The following NBEA variants were observed in gnomAD, a reference collection of about 807,000 sequenced individuals.
NBEA encodes the protein neurobeachin, also known as lysosomal-trafficking regulator 2.
A neutral mutation model predicts 343.4 loss-of-function variants in NBEA; 44 were observed. The observed-to-expected ratio is 0.13, with a 90% CI of 0.10 to 0.16. The LOEUF (loss-of-function observed/expected upper bound fraction) is 0.16, where lower values mean the gene tolerates loss of function less well. Ranked by LOEUF, NBEA falls within the 10% of genes least tolerant of loss-of-function variation. NBEA has a pLI of 1.00. For missense variants in NBEA, 2,555 were observed against 3,631.3 expected, an observed-to-expected ratio of 0.70 and a Z score of 7.62; for synonymous variants, 1,175 against 1,238.7, an observed-to-expected ratio of 0.95 and a Z score of 1.08.
In NBEA at chr13:35,385,085, A is replaced by G. The variant is rs545893147; in HGVS notation, c.6179+32762A>G. 1.0e-3 allele frequency among the ~76,000 whole-genome samples: 157 copies of G among 152,246 alleles called. 1 individual carries two copies. Among genetic ancestry groups the G allele is most frequent in the Admixed American group, 3.4e-3 (52 of 15,306 alleles). Reference sequence around the variant, plus strand: ...ATTACATTTTTTCCTTCTACTGGTGATAGTTTTATTCTTCAAGTAAATCTT... The same window carrying G: ...ATTACATTTTTTCCTTCTACTGGTGGTAGTTTTATTCTTCAAGTAAATCTT... On this transcript the variant is annotated intron_variant, in intron 38 of 58. Transcript: ENST00000379939.
Position 35,452,248 on chromosome 13 carries a change from A to G in NBEA, c.6448+13A>G, listed in dbSNP as rs2046344665. 1 of 1,541,440 alleles carries G rather than the reference A, an allele frequency of 6.5e-7. No individual in the cohort carries two copies. Reference sequence around the variant, plus strand: ...GACAACCTTGCAGGTAAATTTTAAAATATATTTTTCCTATTTGTTGTAAAT... The same window carrying G: ...GACAACCTTGCAGGTAAATTTTAAAGTATATTTTTCCTATTTGTTGTAAAT... On this transcript the variant is annotated intron_variant, in intron 40 of 58. Coordinates refer to ENST00000379939, the MANE Select transcript of NBEA (RefSeq NM_001385012.1).
At chr13:35,462,425 A>G (rs2046959147) in intron 40 of NBEA, among the ~76,000 whole-genome samples, 2 of 152,206 alleles carry the variant, frequency 1.3e-5, no homozygotes, top group South Asian at 4.1e-4. Flanking sequence ...ATGGCGGGAA[A>G]TGTATACTAA....
Position 35,461,027 on chromosome 13 carries a change from A to G in NBEA, c.6448+8792A>G, listed in dbSNP as rs186626796. 2.6e-5 allele frequency among the ~76,000 whole-genome samples: 4 copies of G among 152,274 alleles called. No individual in the cohort carries two copies. In the East Asian group the frequency reaches 7.7e-4, roughly 29 times the overall value. On this transcript the variant is annotated intron_variant, in intron 40 of 58. Transcript: ENST00000379939. Reference sequence around the variant, plus strand: ...TTATAAAGTCACCAGTTCTACTCCCATGATAACCCATTAATTCATTAATCC... The same window carrying G: ...TTATAAAGTCACCAGTTCTACTCCCGTGATAACCCATTAATTCATTAATCC...
At chr13:35,627,533 A>C (rs12429343) in intron 48 of NBEA, among the ~76,000 whole-genome samples, 5 of 152,078 alleles carry the variant, frequency 3.3e-5, no homozygotes, top group Admixed American at 3.3e-4. Context: ...CAAACATCCA[A>C]AATTGCCCAG....
chr13:35,158,865 A>T, intron 21 of NBEA, 151 bp from the exon 22 acceptor site: 1 of 614,488 alleles, frequency 1.6e-6, no homozygotes, highest in Admixed American at 3.6e-5. Context: ...AATGAAACTA[A>T]GCACTTGCTT....
intron 34 of NBEA, among the ~76,000 whole-genome samples, chr13:35,281,903 T>A (rs2035076208): frequency 6.6e-6 from 1 of 151,990 alleles, no homozygotes; most frequent in East Asian, 1.9e-4. Context: ...TTATAGAATA[T>A]AAATTATGTT....
intron 34 of NBEA, among the ~76,000 whole-genome samples, chr13:35,255,372 C>T (rs1437791252): frequency 2.0e-5 from 3 of 152,212 alleles, no homozygotes; most frequent in Admixed American, 6.5e-5. Flanking sequence ...GGGCTCATTC[C>T]GCCCACTTGG....
intron 55 of NBEA, among the ~76,000 whole-genome samples, chr13:35,659,496 G>A (rs1466959019): frequency 6.6e-6 from 1 of 152,160 alleles, no homozygotes; most frequent in East Asian, 1.9e-4. Context: ...TTTTTGGCAG[G>A]TATAGAAAGT....
chr13:34,999,055 G>A lies in NBEA; in HGVS notation c.295-41878G>A, dbSNP rs535441055. ...TGCCATGGCTTCAGCTGGTCCCTCC[G>A]TTTGGGGTCCCTGACTTCCCTCAAC... On this transcript the variant is annotated intron_variant, in intron 1 of 58. Coordinates refer to ENST00000379939, the MANE Select transcript of NBEA (RefSeq NM_001385012.1). Among the ~76,000 whole-genome samples, 608 of 152,168 alleles carry A rather than the reference G, an allele frequency of 4.0e-3. 3 individuals are homozygous for A. The highest frequency in any genetic ancestry group is 0.014 in the African/African-American group (577 of 41,512).
At chr13:35,506,535 G>A (rs2077078921) in intron 41 of NBEA, among the ~76,000 whole-genome samples, 1 of 152,152 alleles carries the variant, frequency 6.6e-6, no homozygotes, top group Admixed American at 6.6e-5. Flanking sequence ...AAAGAACTGT[G>A]ATAGCAAAAT....
In NBEA at chr13:35,161,732, C is replaced by T. The variant is rs57633963; in HGVS notation, c.3862-18C>T. 1.3e-6 allele frequency: 2 copies of T among 1,585,792 alleles called. No homozygotes were observed. Among genetic ancestry groups the T allele is most frequent in the Non-Finnish European group, 1.7e-6 (2 of 1,163,238 alleles). The stretch of plus-strand genomic sequence containing the variant: ...ATTTCTTTTGTATTCCACAAAAGTT[C>T]ATCTTTTCCTTCTTTAGGCTGTGCA... On this transcript the variant is annotated intron_variant, in intron 22 of 58. Transcript: ENST00000379939.
At chr13:35,073,815 A>T (rs937946844) in intron 10 of NBEA, among the ~76,000 whole-genome samples, 2 of 151,992 alleles carry the variant, frequency 1.3e-5, no homozygotes, top group African/African-American at 4.8e-5. Context: ...GGTGGCATGC[A>T]CCTGTAGCCC....
At chr13:35,113,623 A>ATCTGTCTG (rs1191636626) in intron 13 of NBEA, among the ~76,000 whole-genome samples, 1 of 150,242 alleles carries the variant, frequency 6.7e-6, no homozygotes, top group Non-Finnish European at 1.5e-5. Flanking sequence ...CTATCTATCT[A>ATCTGTCTG]TCTATCTGTC....
intron 17 of NBEA, among the ~76,000 whole-genome samples, chr13:35,140,731 G>A (rs2068041743): frequency 6.6e-6 from 1 of 152,042 alleles, no homozygotes; most frequent in Admixed American, 6.6e-5. Flanking sequence ...GCAGATGAAT[G>A]GTACGGACAT....
intron 39 of NBEA, among the ~76,000 whole-genome samples, chr13:35,446,137 G>A (rs2046025907): frequency 1.3e-5 from 2 of 152,040 alleles, no homozygotes; most frequent in Middle Eastern, 6.8e-3. Context: ...CCCTACAAAG[G>A]ACATGAACTC....
chr13:35,190,256 G>C (rs944305522), intron 30 of NBEA, among the ~76,000 whole-genome samples: 2 of 152,114 alleles, frequency 1.3e-5, no homozygotes, highest in Non-Finnish European at 2.9e-5. Flanking sequence ...CGAAGTGACA[G>C]TGCCAGTTGG....
chr13:35,099,224 A>C (rs1593339832), intron 11 of NBEA, among the ~76,000 whole-genome samples: 1 of 98,332 alleles, frequency 1.0e-5, no homozygotes, highest in Non-Finnish European at 2.0e-5. Context: ...TTTGAGATGG[A>C]GTCTTGCTTT....
chr13:35,315,576 TAAAC>T (rs2037659913), intron 36 of NBEA, among the ~76,000 whole-genome samples: 1 of 152,164 alleles, frequency 6.6e-6, no homozygotes, highest in Non-Finnish European at 1.5e-5. Context: ...TTGCCTGAAA[TAAAC>T]CTTTGTCACT....
intron 33 of NBEA, among the ~76,000 whole-genome samples, chr13:35,222,434 A>G (rs933966211): frequency 6.6e-6 from 1 of 152,110 alleles, no homozygotes; most frequent in Non-Finnish European, 1.5e-5. Flanking sequence ...TGCATTCAGT[A>G]TAATCACTGA....
Sources: gnomAD v4.1 joint callset for allele counts (sites outside exome capture counted in the v4.1 genomes callset) on GRCh38, gnomAD v4.1.1 for gene constraint, MANE v1.5 for transcripts, NCBI Gene and HGNC (gene_info 2026-07-23, HGNC 2026-07-21) for gene names.